Variants in TMEM132D observed in about 807,000 individuals in gnomAD.
TMEM132D encodes transmembrane protein 132D, also known as mature OL transmembrane protein.
A neutral mutation model predicts 62.3 loss-of-function variants in TMEM132D; 21 were observed. The observed-to-expected ratio is 0.34, with a 90% CI of 0.24 to 0.49. TMEM132D has a LOEUF of 0.49. Among genes scored for constraint, TMEM132D ranks in the 20% least tolerant of loss-of-function variants. The probability of loss-of-function intolerance (pLI) is 0.99; values close to 1 mark genes in which losing one functional copy is unlikely to be tolerated. For synonymous variants in TMEM132D, 621 were observed against 575.6 expected, an observed-to-expected ratio of 1.08 and a Z score of -1.13; for missense variants, 1,346 against 1,402.8, an observed-to-expected ratio of 0.96 and a Z score of 0.65.
chr12:129,291,843 C>G (rs1257785214), intron 4 of TMEM132D, among the ~76,000 whole-genome samples: 1 of 151,934 alleles, frequency 6.6e-6, no homozygotes, highest in Non-Finnish European at 1.5e-5. Context: ...TAAGCAGAGG[C>G]TAGGAGGCTG....
intron 3 of TMEM132D, among the ~76,000 whole-genome samples, chr12:129,444,528 C>T (rs1157058696): frequency 6.6e-6 from 1 of 152,094 alleles, no homozygotes; most frequent in African/African-American, 2.4e-5. Flanking sequence ...AAATGTGTGC[C>T]ATGGTGGTTT....
At chr12:129,187,878 C>T (rs1470517090) in intron 5 of TMEM132D, among the ~76,000 whole-genome samples, 1 of 152,236 alleles carries the variant, frequency 6.6e-6, no homozygotes, top group Non-Finnish European at 1.5e-5. Flanking sequence ...TGTGTGTAAC[C>T]CTCACTGTCA....
At chr12:129,506,432 G>A (rs1005934161) in intron 3 of TMEM132D, among the ~76,000 whole-genome samples, 1 of 152,188 alleles carries the variant, frequency 6.6e-6, no homozygotes, top group Admixed American at 6.5e-5. Context: ...CAAATCTGGA[G>A]GCATCACATT....
chr12:129,193,892 TAA>T (rs1878477948), intron 5 of TMEM132D, among the ~76,000 whole-genome samples: 1 of 152,350 alleles, frequency 6.6e-6, no homozygotes, highest in Middle Eastern at 3.4e-3. Flanking sequence ...ACATTTTACC[TAA>T]GAGTTAAAGT....
intron 1 of TMEM132D, among the ~76,000 whole-genome samples, chr12:129,869,944 C>G (rs1355169704): frequency 6.6e-6 from 1 of 152,118 alleles, no homozygotes; most frequent in African/African-American, 2.4e-5. Context: ...TTTAGAAACC[C>G]CTGGCACTTC....
At chr12:129,757,110 T>TG (rs565181851) in intron 1 of TMEM132D, among the ~76,000 whole-genome samples, 2 of 152,298 alleles carry the variant, frequency 1.3e-5, no homozygotes, top group South Asian at 4.1e-4. Context: ...AGGCTGAAGT[T>TG]GGGGTCACAG....
intron 2 of TMEM132D, among the ~76,000 whole-genome samples, chr12:129,628,083 G>A (rs1408157550): frequency 6.6e-6 from 1 of 152,154 alleles, no homozygotes; most frequent in African/African-American, 2.4e-5. Context: ...TGTAATTTTG[G>A]ATTATTATTC....
At position 129,074,128 on chromosome 12, in the gene TMEM132D, A is replaced by AGCT; in HGVS notation, c.3044_3046dup (p.Gln1015dup). The AGCT allele has an allele frequency of 6.2e-7, 1 of 1,614,106 alleles. No individual in the cohort carries two copies. The highest frequency in any genetic ancestry group is 8.5e-7 in the Non-Finnish European group (1 of 1,179,996). On this transcript the variant is annotated inframe_insertion, in exon 9 of 9. Transcript: ENST00000422113. ...GATGATGGGTCCCAAAGGTTTGAACAGCTGCCCATTGATGCTTTTTTGGGA... is the reference window on the plus strand; with the variant it reads ...GATGATGGGTCCCAAAGGTTTGAACAGCTGCTGCCCATTGATGCTTTTTTGGGA...
chr12:129,634,330 G>A (rs982113924), intron 2 of TMEM132D, among the ~76,000 whole-genome samples: 9 of 151,812 alleles, frequency 5.9e-5, no homozygotes, highest in African/African-American at 1.2e-4. Context: ...AAAAATTAGC[G>A]GGGTATGGTG....
chr12:129,726,044 T>G (rs1053516453), intron 1 of TMEM132D, among the ~76,000 whole-genome samples: 1 of 152,176 alleles, frequency 6.6e-6, no homozygotes, highest in African/African-American at 2.4e-5. Context: ...AAAACTTGGG[T>G]GCTGAGCCTC....
chr12:129,251,893 T>C (rs1205919100), intron 4 of TMEM132D, among the ~76,000 whole-genome samples: 1 of 152,104 alleles, frequency 6.6e-6, no homozygotes, highest in Non-Finnish European at 1.5e-5. Context: ...TGAGGTATTG[T>C]GGGAAGGCAG....
intron 5 of TMEM132D, among the ~76,000 whole-genome samples, chr12:129,097,196 A>C (rs1875142656): frequency 6.6e-6 from 1 of 152,236 alleles, no homozygotes; most frequent in Non-Finnish European, 1.5e-5. Flanking sequence ...CTCCACCTCC[A>C]GATGCCAGTA....
chr12:129,844,770 G>T (rs1186031920), intron 1 of TMEM132D, among the ~76,000 whole-genome samples: 1 of 152,146 alleles, frequency 6.6e-6, no homozygotes, highest in African/African-American at 2.4e-5. Flanking sequence ...GCATTGTCAA[G>T]GGGCTGAATC....
chr12:129,477,009 T>C (rs760135558), intron 3 of TMEM132D, among the ~76,000 whole-genome samples: 1 of 152,218 alleles, frequency 6.6e-6, no homozygotes, highest in Non-Finnish European at 1.5e-5. Flanking sequence ...TGCTTGATAA[T>C]CCATGCCTCT....
At chr12:129,477,189 T>C (rs1218846942) in intron 3 of TMEM132D, among the ~76,000 whole-genome samples, 1 of 152,140 alleles carries the variant, frequency 6.6e-6, no homozygotes, top group Non-Finnish European at 1.5e-5. Flanking sequence ...GTCGTGACAA[T>C]GAAAAATGTC....
chr12:129,176,408 T>A (rs1593286178), intron 5 of TMEM132D, among the ~76,000 whole-genome samples: 1 of 152,222 alleles, frequency 6.6e-6, no homozygotes, highest in East Asian at 1.9e-4. Context: ...AACAGAGGGA[T>A]GTAGCCACCA....
chr12:129,447,693 T>A (rs1189572809), intron 3 of TMEM132D, among the ~76,000 whole-genome samples: 1 of 152,196 alleles, frequency 6.6e-6, no homozygotes, highest in African/African-American at 2.4e-5. Context: ...TAGCTCACTC[T>A]CTTTTGAAGA....
intron 1 of TMEM132D, among the ~76,000 whole-genome samples, chr12:129,836,439 T>C (rs910055828): frequency 3.3e-5 from 5 of 152,106 alleles, no homozygotes; most frequent in Non-Finnish European, 7.3e-5. Flanking sequence ...AATTGGTATT[T>C]GTTAACTAAA....
chr12:129,206,895 A>G (rs550377697), intron 5 of TMEM132D, among the ~76,000 whole-genome samples: 1 of 152,146 alleles, frequency 6.6e-6, no homozygotes, highest in Non-Finnish European at 1.5e-5. Context: ...GGAGATCAAC[A>G]AGGAGAACAC....
Sources: gnomAD v4.1 joint callset for allele counts (sites outside exome capture counted in the v4.1 genomes callset) on GRCh38, gnomAD v4.1.1 for gene constraint, MANE v1.5 for transcripts, NCBI Gene and HGNC (gene_info 2026-07-23, HGNC 2026-07-21) for gene names.